The following ITPR3 variants were observed in gnomAD, a reference collection of about 807,000 sequenced individuals.
ITPR3 encodes inositol 1,4,5-trisphosphate-gated calcium channel ITPR3.
Under a neutral mutation model 293.2 loss-of-function variants are expected in ITPR3, and 173 were observed. That is an observed-to-expected ratio of 0.59 (90% CI 0.52 to 0.67). ITPR3 has a LOEUF of 0.67. ITPR3 is among the 30% of genes least tolerant of loss of function. The probability of loss-of-function intolerance (pLI) is 0.00; values close to 1 mark genes in which losing one functional copy is unlikely to be tolerated. For synonymous variants in ITPR3, 1,295 were observed against 1,444.4 expected (o/e 0.90, Z 2.35); for missense variants, 2,796 against 3,592.1 (o/e 0.78, Z 5.66).
Position 33,684,664 on chromosome 6 carries a change from G to A in ITPR3, c.5113G>A (p.Asp1705Asn). The change falls in exon 38 of 58, where the codon GAC becomes AAC. Residue 1705 changes from aspartate to asparagine, a missense_variant. This residue lies in a region of ITPR3 where 704 missense variants were observed against 797.5 expected (regional missense o/e 0.88). Transcript: ENST00000605930. This position sits in a 1 kb window ranked among gnomAD's most constrained non-coding sequence, Gnocchi z 4.2. Reference protein sequence around the residue: ...LQNRKSTSRGDLPDPIGTGLD... With the variant: ...LQNRKSTSRGNLPDPIGTGLD... ...GAACCGGAAGTCCACCTCGCGGGGG[G>A]ACCTTCCCGACCCCATAGGCACTGG... 6.2e-7 allele frequency: 1 copy of A among 1,614,088 alleles called. No individual in the cohort carries two copies. The highest frequency in any genetic ancestry group is 8.5e-7 in the Non-Finnish European group (1 of 1,180,028).
intron 1 of ITPR3, 70 bp from the exon 2 acceptor site, chr6:33,640,414 C>T: frequency 6.9e-7 from 1 of 1,454,168 alleles, no homozygotes; most frequent in Non-Finnish European, 9.4e-7. Context: ...GCATCCCCTG[C>T]TCTAAGGGAA....
intron 7 of ITPR3, 34 bp from the exon 8 acceptor site, chr6:33,662,494 G>T (rs200545601): frequency 1.3e-6 from 2 of 1,547,810 alleles, no homozygotes; most frequent in African/African-American, 1.4e-5. Context: ...TGGAGGGGCC[G>T]CAGCCATCCT....
intron 1 of ITPR3, among the ~76,000 whole-genome samples, chr6:33,639,303 C>T (rs987231674): frequency 6.8e-6 from 1 of 147,792 alleles, no homozygotes; most frequent in Non-Finnish European, 1.5e-5. Context: ...TGCTTGAACC[C>T]GGGGGGCAGA....
intron 23 of ITPR3, 144 bp from the exon 24 acceptor site, chr6:33,674,064 A>G (rs1394055697): frequency 6.0e-6 from 6 of 993,114 alleles, no homozygotes; most frequent in Non-Finnish European, 4.6e-6. Context: ...CTCCTCCCCT[A>G]CTTGGTTCCT....
At chr6:33,677,709 T>C in intron 28 of ITPR3, 80 bp downstream of exon 28, 1 of 1,539,390 alleles carries the variant, frequency 6.5e-7, no homozygotes, top group Non-Finnish European at 8.8e-7. Flanking sequence ...TAGGCCCTAA[T>C]GCAGGCAACC....
chr6:33,686,048 C>T lies in ITPR3; in HGVS notation c.5668-5C>T, dbSNP rs557901979. The T allele has an allele frequency of 1.7e-5, 27 of 1,613,926 alleles. No homozygotes were observed. The Admixed American group carries it at 2.2e-4, about 13-fold the overall frequency. On this transcript the variant is annotated splice_region_variant and splice_polypyrimidine_tract_variant and intron_variant, in intron 41 of 57. Coordinates refer to ENST00000605930, the MANE Select transcript of ITPR3 (RefSeq NM_002224.4). ...TGCTGTGCCCAACCCTTCTGTGCCC[C>T]GCAGAACTTCCTGCGCTGTCAGAAC...
chr6:33,669,183 C>T, intron 18 of ITPR3, 27 bp downstream of exon 18: 1 of 1,605,266 alleles, frequency 6.2e-7, no homozygotes, highest in Non-Finnish European at 8.5e-7. Flanking sequence ...CCTCCCCTCC[C>T]TCTTCCTGTG....
rs1450069187 is a variant in ITPR3, at chr6:33,666,160, G to A, written c.1551+184G>A. On this transcript the variant is annotated intron_variant, in intron 14 of 57. Transcript: ENST00000605930. This position sits in a 1 kb window ranked among gnomAD's most constrained non-coding sequence, Gnocchi z 5.1. ...TTGATCCTCACTGCCTGGAGGAGGC[G>A]CCGTGATTCTTACCCCGTTTTACTG... Among the ~76,000 whole-genome samples, 3 of 152,302 alleles carry A rather than the reference G, an allele frequency of 2.0e-5. No homozygotes were observed. The highest frequency in any genetic ancestry group is 2.9e-5 in the Non-Finnish European group (2 of 68,040).
In ITPR3 at chr6:33,621,568, G is replaced by A; in HGVS notation, c.-35G>A. ...TGAGCTTGGCCACGCGCCCCTAGGC[G>A]CCCCCCACGCCCTGGGCCCCGGAGG... On this transcript the variant is annotated 5_prime_UTR_variant, in exon 1 of 58. Transcript: ENST00000605930. The surrounding 1 kb of genome is among the most constrained non-coding windows in gnomAD (Gnocchi z 7.7). 2 of 1,524,134 alleles carry A rather than the reference G, an allele frequency of 1.3e-6. No individual in the cohort carries two copies. The highest frequency in any genetic ancestry group is 8.9e-7 in the Non-Finnish European group (1 of 1,117,928). 94.4% of individuals were successfully genotyped at this position (1,524,134 alleles called of 1,614,324 possible).
rs1019432389 is a variant in ITPR3, at chr6:33,624,043, C to G, written c.89+2352C>G. ...TCTTTACCTTTGCTCTTGGGTTGTT[C>G]CCGCCCTTTAGCAAGCAAGTCTCCA... is the stretch of plus-strand genomic sequence containing the variant. On this transcript the variant is annotated intron_variant, in intron 1 of 57. Transcript: ENST00000605930. This position sits in a 1 kb window ranked among gnomAD's most constrained non-coding sequence, Gnocchi z 4.7. 6.6e-6 allele frequency among the ~76,000 whole-genome samples: 1 copy of G among 152,188 alleles called. No homozygotes were observed. Among genetic ancestry groups the G allele is most frequent in the Non-Finnish European group, 1.5e-5 (1 of 68,034 alleles).
At chr6:33,646,557 C>T (rs189172424) in intron 2 of ITPR3, among the ~76,000 whole-genome samples, 2 of 152,138 alleles carry the variant, frequency 1.3e-5, no homozygotes, top group Admixed American at 1.3e-4. Flanking sequence ...TGTAGACAGA[C>T]CCTTCTGGAG....
chr6:33,685,821 C>A lies in ITPR3; in HGVS notation c.5661C>A (p.Asp1887Glu). ...TGCTGTGTGAGAACCACAACCGGGA[C>A]CTGCAGGTGAGTGCCTCGCCACACA... The part of the protein sequence containing the change: ...LQLLCENHNR[D>E]LQNFLRCQNN... Residue 1887 changes from aspartate (D) to glutamate (E), a missense_variant, in exon 41 of 58, where the codon GAC becomes GAA. Asp to Glu is a conservative substitution (Grantham distance 45, BLOSUM62 2). Coordinates refer to ENST00000605930, the MANE Select transcript of ITPR3 (RefSeq NM_002224.4). 6.4e-7 allele frequency: 1 copy of A among 1,566,536 alleles called. No individual in the cohort carries two copies. The highest frequency in any genetic ancestry group is 8.7e-7 in the Non-Finnish European group (1 of 1,152,998).
chr6:33,669,657 G>C (rs548325495), intron 18 of ITPR3, among the ~76,000 whole-genome samples: 1 of 152,234 alleles, frequency 6.6e-6, no homozygotes, highest in East Asian at 1.9e-4. Context: ...TGCTTGCCAC[G>C]TAGTGGGCAC....
Position 33,667,752 on chromosome 6 carries a change from C to G in ITPR3, c.1714-40C>G. 3 of 1,610,570 alleles carry G rather than the reference C, an allele frequency of 1.9e-6. No homozygotes were observed. The highest frequency in any genetic ancestry group is 2.5e-6 in the Non-Finnish European group (3 of 1,177,850). On this transcript the variant is annotated intron_variant, in intron 15 of 57. Transcript: ENST00000605930. The surrounding 1 kb of genome is among the most constrained non-coding windows in gnomAD (Gnocchi z 4.4). ...GAGCAGAGCTGGGCCCTTGGCCCAC[C>G]TGTGACTCTCTGTGACCCCCAGCCT...
intron 7 of ITPR3, among the ~76,000 whole-genome samples, chr6:33,660,328 C>G (rs1385094321): frequency 1.3e-5 from 2 of 152,002 alleles, no homozygotes; most frequent in Non-Finnish European, 2.9e-5. Flanking sequence ...GAGCAGCCAC[C>G]TAAGGAGTCT....
chr6:33,663,870 T>C lies in ITPR3; in HGVS notation c.1138T>C (p.Phe380Leu). The change falls in exon 11 of 58, where the codon TTC (phenylalanine) becomes CTC (leucine). Residue 380 changes from phenylalanine to leucine, a missense_variant. Transcript: ENST00000605930. Reference protein sequence around the residue: ...DPTTLQKTDSFVPRNSYVRLR... With the variant: ...DPTTLQKTDSLVPRNSYVRLR... ...CACCACCTTGCAGAAAACCGACTCT[T>C]TCGTGCCCCGGTGGGTATGCGCCAT... 1 of 1,614,126 alleles carries C rather than the reference T, an allele frequency of 6.2e-7. No individual in the cohort carries two copies. Among genetic ancestry groups the C allele is most frequent in the Non-Finnish European group, 8.5e-7 (1 of 1,180,016 alleles).
At chr6:33,678,339 C>G (rs1764967078) in intron 28 of ITPR3, 82 bp from the exon 29 acceptor site, 2 of 1,573,066 alleles carry the variant, frequency 1.3e-6, no homozygotes, top group Non-Finnish European at 1.7e-6. Context: ...CCCGACCCAC[C>G]CCTGCTCCTG....
rs776522332 is a variant in ITPR3, at chr6:33,687,572, C to T, written c.6264+8C>T. 1.2e-6 allele frequency: 2 copies of T among 1,605,386 alleles called. No individual in the cohort carries two copies. Among genetic ancestry groups the T allele is most frequent in the Non-Finnish European group, 1.7e-6 (2 of 1,174,948 alleles). ...GAGGGTATCTCTTCCATGGTGGGTG[C>T]TGGCCCCGAGACTGGGGTGGGGGTG... On this transcript the variant is annotated splice_region_variant and intron_variant, in intron 46 of 57. Coordinates refer to ENST00000605930, the MANE Select transcript of ITPR3 (RefSeq NM_002224.4). This position sits in a 1 kb window ranked among gnomAD's most constrained non-coding sequence, Gnocchi z 5.3.
In ITPR3 at chr6:33,662,641, G is replaced by A. The variant is rs569007497; in HGVS notation, c.825G>A (p.Ser275=). The change falls in exon 8 of 58, where the codon TCG becomes TCA. Residue 275 remains serine, a synonymous_variant. Coordinates refer to ENST00000605930, the MANE Select transcript of ITPR3 (RefSeq NM_002224.4). ...LRTTLRQSAT[S]ATSSNALWEV... ...CTACACTGCGCCAGTCTGCCACCTC[G>A]GCCACCAGCTCCAATGCTCTCTGGG... 86 of 1,610,152 alleles carry A rather than the reference G, an allele frequency of 5.3e-5. No homozygotes were observed. The South Asian group carries it at 7.2e-4, about 14-fold the overall frequency.
Sources: gnomAD v4.1 joint callset for allele counts (sites outside exome capture counted in the v4.1 genomes callset) on GRCh38, gnomAD v4.1.1 for gene constraint, gnomAD v4.1.1 regional missense constraint, Gnocchi (gnomAD v3.1) non-coding constraint, MANE v1.5 for transcripts, NCBI Gene and HGNC (gene_info 2026-07-23, HGNC 2026-07-21) for gene names.